MPDZ: variants seen among roughly 807,000 people sequenced by gnomAD.
MPDZ encodes multiple PDZ domain crumbs cell polarity complex component.
Under a neutral mutation model 239.1 loss-of-function variants are expected in MPDZ, and 234 were observed. The observed-to-expected ratio is 0.98, with a 90% CI of 0.88 to 1.09. The LOEUF (loss-of-function observed/expected upper bound fraction) is 1.09, where lower values mean the gene tolerates loss of function less well. Among genes scored for constraint, MPDZ ranks in the 50% least tolerant of loss-of-function variants. The pLI is 0.00. For synonymous variants in MPDZ, 1,048 were observed against 881.3 expected (o/e 1.19, Z -3.35); for missense variants, 3,175 against 2,510.0 (o/e 1.26, Z -5.66).
rs1157530514 is a variant in MPDZ at position 13,106,794 on chromosome 9, T to C, written c.*171A>G. 1.9e-5 allele frequency: 12 copies of C among 635,808 alleles called. No individual in the cohort carries two copies. The highest frequency in any genetic ancestry group is 3.6e-5 in the African/African-American group (2 of 55,448). 39.4% of individuals were successfully genotyped at this position (635,808 alleles called of 1,614,324 possible). A position where few individuals can be genotyped will look rare whatever the true frequency, so the allele number is the denominator to read the frequency against. ...AGAAGAAAAGAAAAATGATGTTAGG[T>C]TGTCAGTAAGGAAAGCATTTCTAGA... On this transcript the variant is annotated 3_prime_UTR_variant, in exon 47 of 47. Transcript: ENST00000319217.
At chr9:13,230,603 C>T (rs1435516305) in intron 3 of MPDZ, among the ~76,000 whole-genome samples, 1 of 151,732 alleles carries the variant, frequency 6.6e-6, no homozygotes, top group African/African-American at 2.4e-5. Flanking sequence ...TTAAAGGTTG[C>T]CAGGGGTTAC....
intron 5 of MPDZ, 70 bp from the exon 6 acceptor site, chr9:13,222,516 T>A: frequency 1.6e-6 from 2 of 1,235,890 alleles, no homozygotes; most frequent in Admixed American, 1.8e-5. Context: ...TTCTTTGGCA[T>A]GTATGTTCAA....
intron 3 of MPDZ, among the ~76,000 whole-genome samples, chr9:13,239,607 T>A (rs1331126512): frequency 1.3e-5 from 2 of 152,116 alleles, no homozygotes; most frequent in African/African-American, 4.8e-5. Flanking sequence ...AAAAACTAGT[T>A]GTCTGGCAAG....
At chr9:13,163,486 C>CTGACAGT (rs1563936964) in intron 22 of MPDZ, among the ~76,000 whole-genome samples, 2 of 152,126 alleles carry the variant, frequency 1.3e-5, no homozygotes, top group East Asian at 3.9e-4. Context: ...GCCTATTATG[C>CTGACAGT]GGAAGACACT....
In MPDZ at chr9:13,217,208, A is replaced by G; in HGVS notation, c.1173T>C (p.Ile391=). 6.3e-7 allele frequency: 1 copy of G among 1,598,396 alleles called. No homozygotes were observed. Among genetic ancestry groups the G allele is most frequent in the Non-Finnish European group, 8.5e-7 (1 of 1,173,002 alleles). The part of the protein sequence containing the change: ...TKNVQGLGIT[I]AGYIGDKKLE... Reference sequence around the variant, plus strand: ...ATTTTTTATCTCCAATGTAGCCAGCAATGGTAATTCCTAATCCTTGGACAT... The same window carrying G: ...ATTTTTTATCTCCAATGTAGCCAGCGATGGTAATTCCTAATCCTTGGACAT... Residue 391 remains isoleucine, a synonymous_variant, in exon 9 of 47, where the codon ATT becomes ATC. Transcript: ENST00000319217.
chr9:13,140,949 C>G (rs937977082), intron 27 of MPDZ: 1 of 152,068 alleles, frequency 6.6e-6, no homozygotes, highest in Non-Finnish European at 1.5e-5. Context: ...AGCACACACT[C>G]GGATGTGAGC....
At chr9:13,240,436 A>G (rs1965104671) in intron 3 of MPDZ, among the ~76,000 whole-genome samples, 1 of 151,928 alleles carries the variant, frequency 6.6e-6, no homozygotes, top group South Asian at 2.1e-4. Flanking sequence ...AGGACATGGC[A>G]TATTTTAAGT....
chr9:13,179,503 C>G (rs573993514), intron 19 of MPDZ, among the ~76,000 whole-genome samples: 5 of 152,282 alleles, frequency 3.3e-5, no homozygotes, highest in Admixed American at 3.3e-4. Flanking sequence ...CTAATCAACA[C>G]AGTAGACAAC....
At chr9:13,215,756 T>TG (rs1444414251) in intron 10 of MPDZ, among the ~76,000 whole-genome samples, 2 of 131,454 alleles carry the variant, frequency 1.5e-5, no homozygotes, top group East Asian at 4.4e-4. Flanking sequence ...ATTGCAGGTT[T>TG]TTTTTTTTTT....
At chr9:13,149,068 C>G (rs1479623593) in intron 25 of MPDZ, among the ~76,000 whole-genome samples, 1 of 151,206 alleles carries the variant, frequency 6.6e-6, no homozygotes, top group Admixed American at 6.6e-5. Flanking sequence ...AGTGACAATC[C>G]AAAATTTGAA....
At chr9:13,260,367 G>A (rs1391177440) in intron 1 of MPDZ, among the ~76,000 whole-genome samples, 2 of 152,134 alleles carry the variant, frequency 1.3e-5, no homozygotes, top group Non-Finnish European at 2.9e-5. Flanking sequence ...TAATATGGAG[G>A]TAAGGAAGAT....
At chr9:13,136,933 T>G (rs527850274) in intron 29 of MPDZ, 130 bp from the exon 30 acceptor site, 8 of 472,608 alleles carry the variant, frequency 1.7e-5, no homozygotes, top group African/African-American at 1.0e-4. Flanking sequence ...GTTATATATT[T>G]TCCTCCCCAA....
At position 13,217,248 on chromosome 9, in the gene MPDZ, A is replaced by G. The variant is rs774854586; in HGVS notation, c.1133T>C (p.Val378Ala). 30 of 1,604,336 alleles carry G rather than the reference A, an allele frequency of 1.9e-5. No individual in the cohort carries two copies. The highest frequency in any genetic ancestry group is 2.6e-5 in the Non-Finnish European group (30 of 1,174,938). ...TCCTTGGACATTTTTAGTGAGTTCT[A>G]CATCAAATGTCTCACTTTCTTCACC... The part of the protein sequence containing the change: ...QKGEESETFD[V>A]ELTKNVQGLG... Residue 378 changes from valine (V) to alanine (A), a missense_variant, in exon 9 of 47, where the codon GTA becomes GCA. Transcript: ENST00000319217.
chr9:13,128,352 C>G (rs1188443005), intron 32 of MPDZ, among the ~76,000 whole-genome samples: 2 of 152,176 alleles, frequency 1.3e-5, no homozygotes, highest in Non-Finnish European at 2.9e-5. Context: ...CTGCCATTGT[C>G]CTAAGAAAAT....
intron 19 of MPDZ, among the ~76,000 whole-genome samples, chr9:13,181,718 C>T (rs1198014232): frequency 1.3e-5 from 2 of 152,094 alleles, no homozygotes; most frequent in Non-Finnish European, 2.9e-5. Flanking sequence ...TGCATACAGC[C>T]AGCATTTGCC....
At chr9:13,112,289 C>T (rs538939483) in intron 42 of MPDZ, 143 bp from the exon 43 acceptor site, 615 of 790,958 alleles carry the variant, frequency 7.8e-4, no homozygotes, top group Non-Finnish European at 7.2e-4. Flanking sequence ...AACTGCATTA[C>T]TTTACTTGAC....
chr9:13,115,937 T>G (rs563387433), intron 39 of MPDZ, among the ~76,000 whole-genome samples: 55 of 125,326 alleles, frequency 4.4e-4, no homozygotes, highest in African/African-American at 1.8e-3. Context: ...GAGCGAGACT[T>G]GAGACTCCAC....
rs191898906 is a variant in MPDZ, at chr9:13,154,797, G to T, written c.3452+3221C>A. Among the ~76,000 whole-genome samples the T allele has an allele frequency of 4.2e-4, 64 of 152,192 alleles. 1 individual carries two copies. Among genetic ancestry groups the T allele is most frequent in the African/African-American group, 1.3e-3 (55 of 41,550 alleles). On this transcript the variant is annotated intron_variant, in intron 24 of 46. Transcript: ENST00000319217. ...AATCCTGTTATACCTACCACACCTTGTTTATTGAGAAAGAGTACCATTTTC... is the reference window on the plus strand; with the variant it reads ...AATCCTGTTATACCTACCACACCTTTTTTATTGAGAAAGAGTACCATTTTC...
rs1045363321 is a variant in MPDZ at position 13,151,034 on chromosome 9, T to C, written c.3453-346A>G. Among the ~76,000 whole-genome samples, 3 of 151,822 alleles carry C rather than the reference T, an allele frequency of 2.0e-5. No homozygotes were observed. In the East Asian group the frequency reaches 5.8e-4, roughly 29 times the overall value. On this transcript the variant is annotated intron_variant, in intron 24 of 46. Coordinates refer to ENST00000319217, the MANE Select transcript of MPDZ (RefSeq NM_001378778.1). ...GTCTTGAAGATACATAAATGACCAA[T>C]AAGCACATGAAAAGATGTTTAACAT...
Sources: gnomAD v4.1 joint callset for allele counts (sites outside exome capture counted in the v4.1 genomes callset) on GRCh38, gnomAD v4.1.1 for gene constraint, MANE v1.5 for transcripts, NCBI Gene and HGNC (gene_info 2026-07-23, HGNC 2026-07-21) for gene names.